Variants in GALNT14 observed in about 807,000 individuals in gnomAD.
The protein encoded by GALNT14 is polypeptide N-acetylgalactosaminyltransferase 14.
In GALNT14, 60 loss-of-function variants were observed where a neutral mutation model predicts 77.5. That is an observed-to-expected ratio of 0.77 (90% CI 0.63 to 0.96). The LOEUF (loss-of-function observed/expected upper bound fraction) is 0.96. GALNT14 is among the 40% of genes least tolerant of loss of function. The probability of loss-of-function intolerance (pLI) is 0.00; values close to 1 mark genes in which losing one functional copy is unlikely to be tolerated. For missense variants in GALNT14, 710 were observed against 731.0 expected (o/e 0.97, Z 0.33); for synonymous variants, 280 against 281.7 (o/e 0.99, Z 0.06).
chr2:30,929,777 T>C (rs1200651515), intron 10 of GALNT14, among the ~76,000 whole-genome samples: 1 of 152,268 alleles, frequency 6.6e-6, no homozygotes, highest in Non-Finnish European at 1.5e-5. Context: ...TTTTTAAATT[T>C]GGAATATTTG....
chr2:30,957,302 T>C (rs1667425005), intron 4 of GALNT14, among the ~76,000 whole-genome samples: 1 of 152,152 alleles, frequency 6.6e-6, no homozygotes, highest in Non-Finnish European at 1.5e-5. Flanking sequence ...ATGCACCAGG[T>C]TGATTATTTG....
chr2:30,931,266 A>G (rs544788117), intron 10 of GALNT14, among the ~76,000 whole-genome samples: 1 of 152,122 alleles, frequency 6.6e-6, no homozygotes, highest in Admixed American at 6.5e-5. Flanking sequence ...ACCCCAATGG[A>G]CCAAATGACA....
chr2:31,006,280 C>T (rs1425165014), intron 1 of GALNT14, among the ~76,000 whole-genome samples: 1 of 152,042 alleles, frequency 6.6e-6, no homozygotes, highest in African/African-American at 2.4e-5. Context: ...GGCGAAAGAA[C>T]TGGCTTTAAA....
intron 2 of GALNT14, among the ~76,000 whole-genome samples, chr2:30,987,988 T>C (rs1669416917): frequency 1.3e-5 from 2 of 152,212 alleles, no homozygotes; most frequent in East Asian, 1.9e-4. Context: ...GAGAACTCTT[T>C]AAGGGAAAAG....
intron 1 of GALNT14, among the ~76,000 whole-genome samples, chr2:31,071,721 T>C (rs757391036): frequency 2.0e-4 from 30 of 152,338 alleles, no homozygotes; most frequent in Middle Eastern, 3.4e-3. Context: ...GGCCCCTGCC[T>C]GCCTCTGGAT....
chr2:31,120,209 A>C (rs1678336709), intron 1 of GALNT14, among the ~76,000 whole-genome samples: 1 of 152,148 alleles, frequency 6.6e-6, no homozygotes, highest in Admixed American at 6.5e-5. Flanking sequence ...TAGGATTTCT[A>C]GAATATATAC....
intron 1 of GALNT14, among the ~76,000 whole-genome samples, chr2:31,115,878 T>C (rs1398133065): frequency 6.6e-6 from 1 of 152,174 alleles, no homozygotes; most frequent in Admixed American, 6.5e-5. Context: ...ATTAATTAGC[T>C]GAGCATGGTG....
intron 1 of GALNT14, among the ~76,000 whole-genome samples, chr2:31,013,542 T>C (rs1671168434): frequency 6.6e-6 from 1 of 152,140 alleles, no homozygotes; most frequent in South Asian, 2.1e-4. Flanking sequence ...TGAGTCCAAA[T>C]GTGACCAGAA....
intron 2 of GALNT14, among the ~76,000 whole-genome samples, chr2:30,988,603 G>A (rs528821296): frequency 9.9e-5 from 15 of 152,026 alleles, no homozygotes; most frequent in African/African-American, 3.4e-4. Flanking sequence ...TTATTGCAGG[G>A]CCTCTACTCT....
the GALNT14 span, among the ~76,000 whole-genome samples, chr2:30,898,824 C>A: frequency 2.0e-5 from 3 of 152,094 alleles, no homozygotes; most frequent in African/African-American, 7.2e-5. Flanking sequence ...GAGAGGCAAC[C>A]TTGGAGGAGA....
chr2:31,016,801 C>G (rs1277444764), intron 1 of GALNT14, among the ~76,000 whole-genome samples: 2 of 152,136 alleles, frequency 1.3e-5, no homozygotes, highest in Non-Finnish European at 2.9e-5. Flanking sequence ...TCCCTCACTC[C>G]CCTCCTCCTG....
intron 6 of GALNT14, among the ~76,000 whole-genome samples, chr2:30,946,436 G>T (rs532005809): frequency 5.3e-5 from 8 of 152,242 alleles, no homozygotes; most frequent in African/African-American, 1.9e-4. Context: ...AGATCTGGTT[G>T]TTTAAAAGTG....
At chr2:30,910,261 A>G (rs1249453483), downstream of GALNT14, among the ~76,000 whole-genome samples, 1 of 152,044 alleles carries the variant, frequency 6.6e-6, no homozygotes, top group Non-Finnish European at 1.5e-5. Flanking sequence ...CTAATTTGAC[A>G]TAACAGGAAA....
intron 1 of GALNT14, among the ~76,000 whole-genome samples, chr2:31,088,018 A>G (rs1486250912): frequency 1.3e-5 from 2 of 152,214 alleles, no homozygotes; most frequent in Admixed American, 6.5e-5. Context: ...CAGATACAGA[A>G]TCCACTGGCG....
intron 1 of GALNT14, among the ~76,000 whole-genome samples, chr2:31,097,013 T>C (rs974584590): frequency 1.9e-4 from 29 of 152,056 alleles, no homozygotes; most frequent in African/African-American, 6.8e-4. Flanking sequence ...ATGATTAGCA[T>C]AGTGCTGGTT....
chr2:30,982,222 A>C (rs1414318301), intron 2 of GALNT14, among the ~76,000 whole-genome samples: 1 of 152,242 alleles, frequency 6.6e-6, no homozygotes, highest in Non-Finnish European at 1.5e-5. Context: ...GACAGACAAT[A>C]GCAAGTGATT....
chr2:31,117,136 C>T (rs556057213), intron 1 of GALNT14, among the ~76,000 whole-genome samples: 98 of 152,202 alleles, frequency 6.4e-4, no homozygotes, highest in African/African-American at 2.3e-3. Context: ...TTAATAAAAA[C>T]TTAAAAATTT....
At chr2:30,982,029 G>A (rs1388936838) in intron 2 of GALNT14, among the ~76,000 whole-genome samples, 1 of 152,196 alleles carries the variant, frequency 6.6e-6, no homozygotes. Flanking sequence ...CAGGCCCTCT[G>A]TGCCTGGTTC....
At chr2:31,091,258 T>C (rs1486497575) in intron 1 of GALNT14, among the ~76,000 whole-genome samples, 1 of 152,240 alleles carries the variant, frequency 6.6e-6, no homozygotes. Flanking sequence ...GGAGAATATT[T>C]TGTGATACAT....
Sources: allele counts gnomAD v4.1 joint callset (sites outside exome capture counted in the v4.1 genomes callset), GRCh38; gene constraint gnomAD v4.1.1; transcripts MANE v1.5; gene names NCBI Gene and HGNC (gene_info 2026-07-23, HGNC 2026-07-21).